The following ZNF568 variants were observed in gnomAD, a reference collection of about 807,000 sequenced individuals.
The protein encoded by ZNF568 is p53 inhibitor of SCO2 activation.
A neutral mutation model predicts 18.1 loss-of-function variants in ZNF568; 11 were observed. The observed-to-expected ratio is 0.61, with a 90% CI of 0.38 to 1.00. The LOEUF (loss-of-function observed/expected upper bound fraction) is 1.00, where lower values mean the gene tolerates loss of function less well. Ranked by LOEUF, ZNF568 falls within the 50% of genes least tolerant of loss-of-function variation. The pLI is 0.01. For missense variants in ZNF568, 639 were observed against 768.2 expected, an observed-to-expected ratio of 0.83 and a Z score of 1.99; for synonymous variants, 213 against 246.6, an observed-to-expected ratio of 0.86 and a Z score of 1.28.
intron 4 of ZNF568, chr19:36,996,176 T>G (rs2074469329): frequency 1.3e-6 from 1 of 765,574 alleles, no homozygotes; most frequent in Non-Finnish European, 2.0e-6. Context: ...GTTTTCTCAT[T>G]TTTCACTTCC....
intron 6 of ZNF568, among the ~76,000 whole-genome samples, chr19:36,958,350 C>T (rs1362745099): frequency 6.6e-6 from 1 of 151,904 alleles, no homozygotes; most frequent in African/African-American, 2.4e-5. Context: ...GATAAACTTT[C>T]TTATATGTTT....
chr19:36,918,001 T>C (rs999990170), intron 2 of ZNF568, among the ~76,000 whole-genome samples: 2 of 152,190 alleles, frequency 1.3e-5, no homozygotes, highest in Non-Finnish European at 2.9e-5. Flanking sequence ...CAGGCTGGAG[T>C]GCAGTGGCAC....
chr19:36,991,018 C>T (rs1358908509), intron 2 of ZNF568: 5 of 709,054 alleles, frequency 7.1e-6, no homozygotes, highest in Admixed American at 6.2e-5. Flanking sequence ...CTCTGATCAC[C>T]CCTGTTTCCA....
chr19:36,957,944 C>T (rs1347856877), intron 6 of ZNF568, among the ~76,000 whole-genome samples: 1 of 152,062 alleles, frequency 6.6e-6, no homozygotes, highest in Non-Finnish European at 1.5e-5. Context: ...TGAGGAAGTT[C>T]CCTTTATTCC....
intron 2 of ZNF568, among the ~76,000 whole-genome samples, chr19:36,988,938 C>T (rs1320237875): frequency 6.6e-6 from 1 of 152,096 alleles, no homozygotes; most frequent in East Asian, 1.9e-4. Flanking sequence ...TGCAATAGAG[C>T]ACCAGAATGT....
In ZNF568 at chr19:36,950,037, G is replaced by C; in HGVS notation, c.884G>C (p.Arg295Thr). ...TTCATTCAGATGTCAAACCTTATTA[G>C]ACACCACAGAATTCATACTGGGGAG... is the stretch of plus-strand genomic sequence containing the variant. ...KAFIQMSNLI[R>T]HHRIHTGEKP... Residue 295 changes from arginine to threonine, a missense_variant, in exon 7 of 7, where the codon AGA becomes ACA. Transcript: ENST00000333987. The C allele has an allele frequency of 6.2e-7, 1 of 1,613,548 alleles. No homozygotes were observed. The highest frequency in any genetic ancestry group is 1.1e-5 in the South Asian group (1 of 91,028).
intron 6 of ZNF568, among the ~76,000 whole-genome samples, chr19:36,971,789 G>A (rs1235514275): frequency 4.6e-5 from 7 of 151,298 alleles, no homozygotes; most frequent in African/African-American, 1.5e-4. Flanking sequence ...TGCCTGCCTC[G>A]GCCTCCCAAA....
intron 2 of ZNF568, among the ~76,000 whole-genome samples, chr19:36,985,591 T>G (rs1230489908): frequency 1.3e-5 from 2 of 152,174 alleles, no homozygotes; most frequent in African/African-American, 4.8e-5. Flanking sequence ...AATGCGATCT[T>G]GGCTCACTGC....
At chr19:36,933,462 T>C (rs117013603) in intron 4 of ZNF568, among the ~76,000 whole-genome samples, 3,532 of 152,254 alleles carry the variant, frequency 0.023, 75 homozygotes, top group Admixed American at 0.063. Context: ...TTGGATTTTG[T>C]TGACTACTTT....
intron 3 of ZNF568, among the ~76,000 whole-genome samples, chr19:36,924,965 A>G (rs761246751): frequency 2.6e-5 from 4 of 152,202 alleles, no homozygotes; most frequent in African/African-American, 4.8e-5. Flanking sequence ...AATATTGCCA[A>G]TAGATTCATT....
chr19:36,968,787 G>C (rs1334678054), intron 6 of ZNF568, among the ~76,000 whole-genome samples: 1 of 150,260 alleles, frequency 6.7e-6, no homozygotes, highest in Admixed American at 6.6e-5. Context: ...TCAAATGGTA[G>C]AGAGAGAATC....
At chr19:36,991,949 A>C in intron 4 of ZNF568, 4 of 902,820 alleles carry the variant, frequency 4.4e-6, no homozygotes, top group Non-Finnish European at 6.5e-6. Context: ...AGCTGCCTAA[A>C]AAGGCTTGAG....
At chr19:36,946,650 T>C (rs2073969727) in intron 6 of ZNF568, among the ~76,000 whole-genome samples, 2 of 50,934 alleles carry the variant, frequency 3.9e-5, no homozygotes. Context: ...TTTTGTTTCC[T>C]TTTTTTTTTT....
In ZNF568 at chr19:36,949,555, A is replaced by G; in HGVS notation, c.402A>G (p.Thr134=). 6.2e-7 allele frequency: 1 copy of G among 1,606,494 alleles called. No homozygotes were observed. Among genetic ancestry groups the G allele is most frequent in the Non-Finnish European group, 8.5e-7 (1 of 1,177,146 alleles). Residue 134 remains threonine, a synonymous_variant, in exon 7 of 7, where the codon ACA becomes ACG. Coordinates refer to ENST00000333987, the MANE Select transcript of ZNF568 (RefSeq NM_198539.4). The part of the protein sequence containing the change: ...VDEQIKKQQE[T]LVRKVTSISK... ...AACAGATCAAGAAGCAACAGGAAAC[A>G]CTTGTGAGGAAAGTCACATCCATCT...
intron 7 of ZNF568, chr19:36,976,259 T>A (rs939103335): frequency 1.3e-5 from 2 of 152,174 alleles, no homozygotes; most frequent in South Asian, 2.1e-4. Flanking sequence ...GGGTTCATAC[T>A]ACTAACAGAA....
chr19:36,943,262 C>G (rs2073912748), intron 6 of ZNF568, among the ~76,000 whole-genome samples: 1 of 152,130 alleles, frequency 6.6e-6, no homozygotes, highest in Non-Finnish European at 1.5e-5. Flanking sequence ...TTTCAGTGAT[C>G]TCTGTCAACC....
chr19:36,945,988 G>A (rs1417290745), intron 6 of ZNF568, among the ~76,000 whole-genome samples: 5 of 151,880 alleles, frequency 3.3e-5, no homozygotes, highest in Non-Finnish European at 5.9e-5. Context: ...CCAGCTATTG[G>A]GGAGGCTGAG....
chr19:36,944,467 G>A (rs1216157667), intron 6 of ZNF568, among the ~76,000 whole-genome samples: 1 of 151,628 alleles, frequency 6.6e-6, no homozygotes, highest in African/African-American at 2.4e-5. Context: ...AAATTAAAAA[G>A]TATAGTGCCC....
At chr19:36,964,327 C>A (rs1044623154) in intron 6 of ZNF568, among the ~76,000 whole-genome samples, 3 of 152,052 alleles carry the variant, frequency 2.0e-5, no homozygotes, top group African/African-American at 4.8e-5. Context: ...CGCTTCTGAA[C>A]CTTTGTGAAA....
Sources: gnomAD v4.1 joint callset for allele counts (sites outside exome capture counted in the v4.1 genomes callset) on GRCh38, gnomAD v4.1.1 for gene constraint, MANE v1.5 for transcripts, NCBI Gene and HGNC (gene_info 2026-07-23, HGNC 2026-07-21) for gene names.